The following MRPS23 variants were observed in gnomAD, a reference collection of about 807,000 sequenced individuals.
MRPS23 encodes small ribosomal subunit protein mS23.
MRPS23 carries 14 observed loss-of-function variants against 19.8 expected under a neutral mutation model. The observed-to-expected ratio is 0.71, with a 90% CI of 0.47 to 1.11. The LOEUF (loss-of-function observed/expected upper bound fraction) is 1.11, where lower values mean the gene tolerates loss of function less well. Ranked by LOEUF, MRPS23 falls within the 50% of genes least tolerant of loss-of-function variation. The pLI, the probability that MRPS23 is intolerant of heterozygous loss-of-function variation, is 0.00. For synonymous variants in MRPS23, 113 were observed against 89.7 expected (o/e 1.26, Z -1.47); for missense variants, 242 against 236.7 (o/e 1.02, Z -0.15).
chr17:57,845,285 T>C (rs1274800428), intron 2 of MRPS23, among the ~76,000 whole-genome samples: 1 of 152,224 alleles, frequency 6.6e-6, no homozygotes, highest in African/African-American at 2.4e-5. Context: ...AAAGATCTCA[T>C]GTTGTATGCC....
chr17:57,835,064 G>C lies in MRPS23; in HGVS notation c.*4719C>G, dbSNP rs1286980605. The C allele has an allele frequency of 1.3e-5, 2 of 152,200 alleles. No individual in the cohort carries two copies. The highest frequency in any genetic ancestry group is 2.4e-5 in the African/African-American group (1 of 41,428). 9.4% of individuals were successfully genotyped at this position (152,200 alleles called of 1,614,324 possible). ...ATAGATGATGGAAGACATGGGACGT[G>C]AATTTCTTTTGCTGGCTTTCTCATT... On this transcript the variant is annotated 3_prime_UTR_variant, in exon 5 of 5. Coordinates refer to ENST00000313608, the MANE Select transcript of MRPS23 (RefSeq NM_016070.4).
Position 57,839,601 on chromosome 17 carries a change from A to G in MRPS23, c.*182T>C. The G allele has an allele frequency of 1.7e-6, 1 of 604,988 alleles. No individual in the cohort carries two copies. Among genetic ancestry groups the G allele is most frequent in the Non-Finnish European group, 2.7e-6 (1 of 377,132 alleles). The allele number at this position is 604,988 out of a possible 1,614,324, so 37.5% of individuals were successfully genotyped here. On this transcript the variant is annotated 3_prime_UTR_variant, in exon 5 of 5. Coordinates refer to ENST00000313608, the MANE Select transcript of MRPS23 (RefSeq NM_016070.4). ...TAGTAATGTCCTAACATAAAAGTTC[A>G]CATAACTGCTTCTGTCAAACCATGA...
At position 57,835,404 on chromosome 17, in the gene MRPS23, T is replaced by A. The variant is rs2073698851; in HGVS notation, c.*4379A>T. On this transcript the variant is annotated 3_prime_UTR_variant, in exon 5 of 5. Coordinates refer to ENST00000313608, the MANE Select transcript of MRPS23 (RefSeq NM_016070.4). Reference sequence around the variant, plus strand: ...TCCTTTTTGGTCCCTCTGACATGTCTCCTCTTTCCTCCTTCCCTGCCCACT... The same window carrying A: ...TCCTTTTTGGTCCCTCTGACATGTCACCTCTTTCCTCCTTCCCTGCCCACT... The A allele has an allele frequency of 6.6e-6, 1 of 152,342 alleles. No homozygotes were observed. The highest frequency in any genetic ancestry group is 2.4e-5 in the African/African-American group (1 of 41,434). 9.4% of individuals were successfully genotyped at this position (152,342 alleles called of 1,614,324 possible).
rs906095658 is a variant in MRPS23 at position 57,849,957 on chromosome 17, G to A, written c.44+10C>T. On this transcript the variant is annotated intron_variant, in intron 1 of 4. Transcript: ENST00000313608. ...GGCACCCTCAGCCCACCACGGCTGG[G>A]AGCACACACCGAGAGAAGATGCTCC... The A allele has an allele frequency of 1.3e-5, 20 of 1,585,844 alleles. No homozygotes were observed. The East Asian group carries it at 4.6e-4, about 36-fold the overall frequency.
Position 57,837,488 on chromosome 17 carries a change from A to G in MRPS23, c.*2295T>C, listed in dbSNP as rs561738096. On this transcript the variant is annotated 3_prime_UTR_variant, in exon 5 of 5. Transcript: ENST00000313608. ...AAGCAAGGTACAGAACAGTATGCAT[A>G]GTGTCCTGTCCATGCCCAAAATATT... is the stretch of plus-strand genomic sequence containing the variant. The G allele has an allele frequency of 3.3e-5, 5 of 152,342 alleles. No homozygotes were observed. The East Asian group carries it at 9.6e-4, about 29-fold the overall frequency. The allele number at this position is 152,342 out of a possible 1,614,324, so 9.4% of individuals were successfully genotyped here.
Position 57,849,400 on chromosome 17 carries a change from G to A in MRPS23, c.55C>T (p.Leu19=). The stretch of plus-strand genomic sequence containing the variant: ...TCCTTCAGCACCCCGGCCCGAACCA[G>A]GTCCCGAGTCCTTAGGGAGGGAACA... ...VGSIFSRTRD[L]VRAGVLKEKP... Residue 19 remains leucine, a synonymous_variant, in exon 2 of 5, where the codon CTG becomes TTG. Coordinates refer to ENST00000313608, the MANE Select transcript of MRPS23 (RefSeq NM_016070.4). 2 of 1,613,882 alleles carry A rather than the reference G, an allele frequency of 1.2e-6. No homozygotes were observed. The highest frequency in any genetic ancestry group is 1.7e-4 in the Middle Eastern group (1 of 5,974).
At chr17:57,844,980 C>T (rs1185811090) in intron 2 of MRPS23, among the ~76,000 whole-genome samples, 2 of 151,960 alleles carry the variant, frequency 1.3e-5, no homozygotes, top group Admixed American at 6.6e-5. Context: ...TCACTGCAAC[C>T]TCTGCCTCCT....
rs1008887794 is a variant in MRPS23, at chr17:57,839,569, C to A, written c.*214G>T. On this transcript the variant is annotated 3_prime_UTR_variant, in exon 5 of 5. Transcript: ENST00000313608. ...TTACTTTATAAGCAGCTAGGGAATTCTTTATTTAGTAATGTCCTAACATAA... is the reference window on the plus strand; with the variant it reads ...TTACTTTATAAGCAGCTAGGGAATTATTTATTTAGTAATGTCCTAACATAA... 4.9e-5 allele frequency: 21 copies of A among 429,894 alleles called. No homozygotes were observed. Among genetic ancestry groups the A allele is most frequent in the Middle Eastern group, 6.2e-4 (1 of 1,608 alleles). 26.6% of individuals were successfully genotyped at this position (429,894 alleles called of 1,614,324 possible).
At chr17:57,849,808 G>T in intron 1 of MRPS23, 159 bp downstream of exon 1, 2 of 835,614 alleles carry the variant, frequency 2.4e-6, no homozygotes, top group Non-Finnish European at 3.6e-6. Context: ...ACAACTATTC[G>T]GAGCCAGGAG....
chr17:57,835,040 T>C lies in MRPS23; in HGVS notation c.*4743A>G, dbSNP rs1367129400. On this transcript the variant is annotated 3_prime_UTR_variant, in exon 5 of 5. Transcript: ENST00000313608. ...GGACCACTTAAACAAGTCAGACATA[T>C]AGATGATGGAAGACATGGGACGTGA... The C allele has an allele frequency of 6.6e-6, 1 of 152,196 alleles. No homozygotes were observed. Among genetic ancestry groups the C allele is most frequent in the Non-Finnish European group, 1.5e-5 (1 of 68,052 alleles). 9.4% of individuals were successfully genotyped at this position (152,196 alleles called of 1,614,324 possible).
intron 1 of MRPS23, chr17:57,849,700 C>T: frequency 1.7e-6 from 1 of 598,742 alleles, no homozygotes; most frequent in Non-Finnish European, 2.9e-6. Flanking sequence ...CCATCAGGCT[C>T]TTCCTCCCTT....
chr17:57,842,878 AAAT>A lies in MRPS23; in HGVS notation c.216-1621_216-1619del, dbSNP rs1343049117. ...GACCCTGTCTCTAAAAAAAAAAAAA[AAAT>A]ATATATATATACACACACACACACA... On this transcript the variant is annotated intron_variant, in intron 2 of 4. Transcript: ENST00000313608. Among the ~76,000 whole-genome samples the A allele has an allele frequency of 4.8e-3, 528 of 109,362 alleles. 13 individuals carry two copies. Among genetic ancestry groups the A allele is most frequent in the Middle Eastern group, 0.014 (3 of 222 alleles). The allele number at this position is 109,362 out of a possible 152,430, so 71.7% of individuals were successfully genotyped here. A position where few individuals can be genotyped will look rare whatever the true frequency, so the allele number is the denominator to read the frequency against.
At chr17:57,848,076 G>A (rs1475683050) in intron 2 of MRPS23, among the ~76,000 whole-genome samples, 2 of 152,044 alleles carry the variant, frequency 1.3e-5, no homozygotes, top group African/African-American at 4.8e-5. Flanking sequence ...GCTAATCAGA[G>A]TGTAAACTAA....
rs1224686417 is a variant in MRPS23, at chr17:57,840,936, T to A, written c.410A>T (p.Glu137Val). The A allele has an allele frequency of 6.2e-7, 1 of 1,614,166 alleles. No individual in the cohort carries two copies. The change falls in exon 4 of 5, where the codon GAA (glutamate) becomes GTA (valine). Residue 137 changes from glutamate to valine, a missense_variant. Physicochemically the swap from Glu to Val is moderately radical, Grantham distance 121. Transcript: ENST00000313608. The stretch of plus-strand genomic sequence containing the variant: ...CAATGAAATACTCACAGTCCTTGCT[T>A]CGCCTACTCGTCTTAAAATGACACC... ...AEGVILRRVGEARTQHGGSHV... is the reference protein window; with the variant it reads ...AEGVILRRVGVARTQHGGSHV...
intron 2 of MRPS23, among the ~76,000 whole-genome samples, chr17:57,844,578 G>C (rs1238244970): frequency 6.7e-6 from 1 of 148,888 alleles, no homozygotes; most frequent in East Asian, 2.0e-4. Flanking sequence ...TGGCCAACAT[G>C]GTGAAACCCT....
At chr17:57,847,086 G>C (rs1011349746) in intron 2 of MRPS23, among the ~76,000 whole-genome samples, 5 of 151,506 alleles carry the variant, frequency 3.3e-5, no homozygotes, top group African/African-American at 1.2e-4. Flanking sequence ...CACGAGGTCA[G>C]GAGTTTGAGA....
rs571516412 is a variant in MRPS23, at chr17:57,839,426, G to A, written c.*357C>T. On this transcript the variant is annotated 3_prime_UTR_variant, in exon 5 of 5. Transcript: ENST00000313608. ...TGGATCAGAAGAAATATGTACCCGG[G>A]AATCAGATGTAGCCAGCCCACATAC... 8 of 165,952 alleles carry A rather than the reference G, an allele frequency of 4.8e-5. No homozygotes were observed. The South Asian group carries it at 1.4e-3, about 30-fold the overall frequency. The allele number at this position is 165,952 out of a possible 1,614,324, so 10.3% of individuals were successfully genotyped here.
In MRPS23 at chr17:57,835,029, A is replaced by G. The variant is rs1205375919; in HGVS notation, c.*4754T>C. 1 of 152,234 alleles carries G rather than the reference A, an allele frequency of 6.6e-6. No homozygotes were observed. The highest frequency in any genetic ancestry group is 1.9e-4 in the East Asian group (1 of 5,188). 9.4% of individuals were successfully genotyped at this position (152,234 alleles called of 1,614,324 possible). On this transcript the variant is annotated 3_prime_UTR_variant, in exon 5 of 5. Transcript: ENST00000313608. ...TGGTGAATCCAGGACCACTTAAACA[A>G]GTCAGACATATAGATGATGGAAGAC...
At chr17:57,840,693 G>C (rs1294823504) in intron 4 of MRPS23, 4 of 392,630 alleles carry the variant, frequency 1.0e-5, no homozygotes, top group South Asian at 1.4e-4. Flanking sequence ...TTTAAAAATA[G>C]AGTATAACTA....
Sources: allele counts gnomAD v4.1 joint callset (sites outside exome capture counted in the v4.1 genomes callset), GRCh38; gene constraint gnomAD v4.1.1; transcripts MANE v1.5; gene names NCBI Gene and HGNC (gene_info 2026-07-23, HGNC 2026-07-21).